Variants in DDX5 observed in about 807,000 individuals in gnomAD.
DDX5 encodes the protein DEAD-box helicase 5, also known as probable ATP-dependent RNA helicase DDX5.
In DDX5, 6 loss-of-function variants were observed where a neutral mutation model predicts 68.6. The ratio of observed to expected loss-of-function variants is 0.09; its 90% CI spans 0.05 to 0.17. The LOEUF (loss-of-function observed/expected upper bound fraction) is 0.17, where lower values mean the gene tolerates loss of function less well. Ranked by LOEUF, DDX5 falls within the 10% of genes least tolerant of loss-of-function variation. DDX5 has a pLI of 1.00. For synonymous variants in DDX5, 350 were observed against 247.0 expected (o/e 1.42, Z -3.91); for missense variants, 499 against 756.1 (o/e 0.66, Z 3.99).
At chr17:64,506,542 A>C, upstream of DDX5, 2 of 529,784 alleles carry the variant, frequency 3.8e-6, no homozygotes, top group South Asian at 2.5e-5. Context: ...CACCTCAAGC[A>C]AGCCACCCCG....
In DDX5 at chr17:64,499,111, G is replaced by A. The variant is rs559401649; in HGVS notation, c.*812C>T. 3.9e-5 allele frequency among the ~76,000 whole-genome samples: 6 copies of A among 152,242 alleles called. No individual in the cohort carries two copies. Among genetic ancestry groups the A allele is most frequent in the Admixed American group, 3.3e-4 (5 of 15,292 alleles). On this transcript the variant is annotated 3_prime_UTR_variant, in exon 13 of 13. Coordinates refer to ENST00000225792, the MANE Select transcript of DDX5 (RefSeq NM_004396.5). ...TAAAGGAGACTCAAGCTTAGCTCCT[G>A]GCCATCTTAAAGGGCTAATGTATGT...
chr17:64,504,816 C>T lies in DDX5; in HGVS notation c.71G>A (p.Ser24Asn), dbSNP rs1555671828. The T allele has an allele frequency of 6.2e-7, 1 of 1,606,336 alleles. No individual in the cohort carries two copies. Among genetic ancestry groups the T allele is most frequent in the South Asian group, 1.1e-5 (1 of 89,220 alleles). ...CTTTCCAGATAAGGGCCCTGCCCTACTTCCTCCAAATCGAGGTGCACCAAA... is the reference window on the plus strand; with the variant it reads ...CTTTCCAGATAAGGGCCCTGCCCTATTTCCTCCAAATCGAGGTGCACCAAA... Reference protein sequence around the residue: ...RGFGAPRFGGSRAGPLSGKKF... With the variant: ...RGFGAPRFGGNRAGPLSGKKF... Residue 24 changes from serine to asparagine, a missense_variant, in exon 2 of 13, where the codon AGT becomes AAT. Around this residue, in one of 5 missense-constraint regions of DDX5, gnomAD observed 140 missense variants for 135.7 expected, o/e 1.03. Coordinates refer to ENST00000225792, the MANE Select transcript of DDX5 (RefSeq NM_004396.5).
At chr17:64,505,311 G>A (rs181713431) in intron 1 of DDX5, 3 of 361,090 alleles carry the variant, frequency 8.3e-6, no homozygotes, top group South Asian at 3.3e-5. Flanking sequence ...AGCGATAACA[G>A]AACAAGGGTT....
chr17:64,506,094 T>G lies in DDX5; in HGVS notation c.26A>C (p.Asp9Ala). 14 of 1,426,634 alleles carry G rather than the reference T, an allele frequency of 9.8e-6. No individual in the cohort carries two copies. The highest frequency in any genetic ancestry group is 1.3e-5 in the Non-Finnish European group (14 of 1,068,454). 88.4% of individuals were successfully genotyped at this position (1,426,634 alleles called of 1,614,324 possible). ...AACTCACCCTCGGTCCCGGCCGCGG[T>G]CTCGGTCACTCGAATAACCCGACAT... MSGYSSDR[D>A]RGRDRGFGAP... is the part of the protein sequence containing the mutation. The change falls in exon 1 of 13, where the codon GAC becomes GCC. Residue 9 changes from aspartate to alanine, a missense_variant. Coordinates refer to ENST00000225792, the MANE Select transcript of DDX5 (RefSeq NM_004396.5).
rs200823006 is a variant in DDX5 at position 64,500,143 on chromosome 17, T to A, written c.1625A>T (p.Asn542Ile). 1.9e-6 allele frequency: 3 copies of A among 1,614,110 alleles called. No individual in the cohort carries two copies. The highest frequency in any genetic ancestry group is 1.7e-5 in the Admixed American group (1 of 60,008). ...CACAAAATTACTTCCAAAGCTCCCA[T>A]TGGTGTAATTTGCAGCACTGTAAAC... ...NGVYSAANYT[N>I]GSFGSNFVSA... The change falls in exon 13 of 13, where the codon AAT (asparagine) becomes ATT (isoleucine). Residue 542 changes from asparagine to isoleucine, a missense_variant. Asn to Ile is a moderately radical substitution (Grantham distance 149). This residue lies in a region of DDX5 where 171 missense variants were observed against 174.8 expected (regional missense o/e 0.98). Coordinates refer to ENST00000225792, the MANE Select transcript of DDX5 (RefSeq NM_004396.5).
At chr17:64,503,729 G>A (rs942328623) in intron 5 of DDX5, 74 bp downstream of exon 5, 15 of 1,552,730 alleles carry the variant, frequency 9.7e-6, no homozygotes, top group African/African-American at 1.4e-5. Flanking sequence ...CACCACAAAT[G>A]ATTACATCTT....
rs898747039 is a variant in DDX5, at chr17:64,499,784, C to T, written c.*139G>A. The stretch of plus-strand genomic sequence containing the variant: ...GTAGAGAAATATCCAACTTAAATAG[C>T]GAAAAAGTGCACCATAATTACTGCT... On this transcript the variant is annotated 3_prime_UTR_variant, in exon 13 of 13. Coordinates refer to ENST00000225792, the MANE Select transcript of DDX5 (RefSeq NM_004396.5). 3.6e-5 allele frequency: 28 copies of T among 772,498 alleles called. No homozygotes were observed. The South Asian group carries it at 5.8e-4, about 16-fold the overall frequency. 47.9% of individuals were successfully genotyped at this position (772,498 alleles called of 1,614,324 possible). A position where few individuals can be genotyped will look rare whatever the true frequency, so the allele number is the denominator to read the frequency against.
At position 64,500,304 on chromosome 17, in the gene DDX5, G is replaced by T. The variant is rs1555670816; in HGVS notation, c.1464C>A (p.Gly488=). ...ATCTGTCCCGACGGTCATCCTTCAT[G>T]CCTCCTCTACCCCTGGAACGACCTG... ...RGSGRSRGRG[G]MKDDRRDRYS... Residue 488 remains glycine, a synonymous_variant, in exon 13 of 13, where the codon GGC becomes GGA. Transcript: ENST00000225792. 1 of 1,611,500 alleles carries T rather than the reference G, an allele frequency of 6.2e-7. No homozygotes were observed. The highest frequency in any genetic ancestry group is 8.5e-7 in the Non-Finnish European group (1 of 1,178,298).
chr17:64,500,728 G>C lies in DDX5; in HGVS notation c.1262C>G (p.Ser421Cys). Residue 421 changes from serine (S) to cysteine (C), a missense_variant, in exon 12 of 13, where the codon TCC (serine) becomes TGC (cysteine). Transcript: ENST00000225792. Reference protein sequence around the residue: ...KFVINYDYPNSSEDYIHRIGR... With the variant: ...KFVINYDYPNCSEDYIHRIGR... ...AATTCGATGAATATAATCCTCTGAG[G>C]AGTTAGGGTAGTCATAATTGATGAC... 3 of 1,614,130 alleles carry C rather than the reference G, an allele frequency of 1.9e-6. No individual in the cohort carries two copies. Among genetic ancestry groups the C allele is most frequent in the Non-Finnish European group, 2.5e-6 (3 of 1,180,004 alleles).
At chr17:64,505,253 G>A (rs2038425668) in intron 1 of DDX5, 2 of 255,402 alleles carry the variant, frequency 7.8e-6, no homozygotes, top group South Asian at 6.8e-5. Flanking sequence ...TCATATGGCC[G>A]TTTTGGAACC....
In DDX5 at chr17:64,504,669, T is replaced by A; in HGVS notation, c.210+8A>T. 8.1e-6 allele frequency: 13 copies of A among 1,599,886 alleles called. No homozygotes were observed. Among genetic ancestry groups the A allele is most frequent in the Non-Finnish European group, 1.1e-5 (13 of 1,175,174 alleles). ...TACAGCCTGATGAAGCCACATGAAT[T>A]TACTCACTGCTGTGCGCCTAGCCAA... On this transcript the variant is annotated splice_region_variant and intron_variant, in intron 2 of 12. Transcript: ENST00000225792.
At position 64,506,058 on chromosome 17, in the gene DDX5, C is replaced by T; in HGVS notation, c.44+18G>A. The T allele has an allele frequency of 6.3e-7, 1 of 1,586,030 alleles. No individual in the cohort carries two copies. Among genetic ancestry groups the T allele is most frequent in the Non-Finnish European group, 8.6e-7 (1 of 1,167,940 alleles). The stretch of plus-strand genomic sequence containing the variant: ...TCCCCCCACCCGCCAGGCCTGACAG[C>T]TCGGCTCCCAAACTCACCCTCGGTC... On this transcript the variant is annotated intron_variant, in intron 1 of 12. Transcript: ENST00000225792.
At position 64,504,215 on chromosome 17, in the gene DDX5, C is replaced by G; in HGVS notation, c.307+7G>C. 1 of 1,613,676 alleles carries G rather than the reference C, an allele frequency of 6.2e-7. No homozygotes were observed. The highest frequency in any genetic ancestry group is 8.5e-7 in the Non-Finnish European group (1 of 1,179,644). ...ACGGGTAGGTAGAACTGAAAAGTAG[C>G]ACTTACCAGGGAAATTGGCTTCATA... On this transcript the variant is annotated splice_region_variant and intron_variant, in intron 3 of 12. Transcript: ENST00000225792.
In DDX5 at chr17:64,500,014, T is replaced by C; in HGVS notation, c.1754A>G (p.His585Arg). The stretch of plus-strand genomic sequence containing the variant: ...ATATGCCTGTTGGTTCATACCATTG[T>C]GCATATTTGGAACATTACTTCCGTA... ...QQYGSNVPNM[H>R]NGMNQQAYAY... is the part of the protein sequence containing the mutation. The change falls in exon 13 of 13, where the codon CAC (histidine) becomes CGC (arginine). Residue 585 changes from histidine to arginine, a missense_variant. Coordinates refer to ENST00000225792, the MANE Select transcript of DDX5 (RefSeq NM_004396.5). 6.2e-7 allele frequency: 1 copy of C among 1,614,230 alleles called. No individual in the cohort carries two copies. The highest frequency in any genetic ancestry group is 8.5e-7 in the Non-Finnish European group (1 of 1,180,032).
At chr17:64,506,032 A>AAAC in intron 1 of DDX5, 44 bp downstream of exon 1, 1 of 442,490 alleles carries the variant, frequency 2.3e-6, no homozygotes, top group Non-Finnish European at 3.1e-6. Context: ...CCGCCCTCCC[A>AAAC]TCCCCCCACC....
chr17:64,500,152 T>C lies in DDX5; in HGVS notation c.1616A>G (p.Asn539Ser). 1 of 1,614,212 alleles carries C rather than the reference T, an allele frequency of 6.2e-7. No individual in the cohort carries two copies. The highest frequency in any genetic ancestry group is 8.5e-7 in the Non-Finnish European group (1 of 1,180,040). ...ACTTCCAAAGCTCCCATTGGTGTAA[T>C]TTGCAGCACTGTAAACACCATTCTG... is the stretch of plus-strand genomic sequence containing the variant. ...KTQNGVYSAANYTNGSFGSNF... is the reference protein window; with the variant it reads ...KTQNGVYSAASYTNGSFGSNF... The change falls in exon 13 of 13, where the codon AAT (asparagine) becomes AGT (serine). Residue 539 changes from asparagine to serine, a missense_variant. This residue lies in a region of DDX5 where 171 missense variants were observed against 174.8 expected (regional missense o/e 0.98). Transcript: ENST00000225792.
At chr17:64,506,406 C>T, upstream of DDX5, 1 of 1,393,180 alleles carries the variant, frequency 7.2e-7, no homozygotes. Context: ...GCCGCAACGC[C>T]CGCTGGCGTT....
chr17:64,506,020 A>ACCCCCCCCCCCCCCCCCCCCC, intron 1 of DDX5, 56 bp downstream of exon 1: 9 of 868,074 alleles, frequency 1.0e-5, no homozygotes, highest in East Asian at 8.8e-5. Flanking sequence ...CGCCACCCTG[A>ACCCCCCCCCCCCCCCCCCCCC]CCCGCCCTCC....
At chr17:64,504,170 G>A (rs1475729118) in intron 3 of DDX5, 52 bp downstream of exon 3, 15 of 1,611,868 alleles carry the variant, frequency 9.3e-6, no homozygotes, top group Non-Finnish European at 1.1e-5. Context: ...GAAAAAGAGG[G>A]GGTAGGTGGA....
Sources: allele counts gnomAD v4.1 joint callset (sites outside exome capture counted in the v4.1 genomes callset), GRCh38; gene constraint gnomAD v4.1.1; regional missense constraint gnomAD v4.1.1; transcripts MANE v1.5; gene names NCBI Gene and HGNC (gene_info 2026-07-23, HGNC 2026-07-21).